The following PCDHGB1 variants were observed in gnomAD, a reference collection of about 807,000 sequenced individuals.
The protein encoded by PCDHGB1 is protocadherin gamma subfamily B, 1.
In PCDHGB1, 34 loss-of-function variants were observed where a neutral mutation model predicts 56.6. The observed-to-expected ratio is 0.60, with a 90% CI of 0.46 to 0.80. PCDHGB1 has a LOEUF of 0.80. PCDHGB1 is among the 30% of genes least tolerant of loss of function. The pLI is 0.00. For synonymous variants in PCDHGB1, 561 were observed against 505.9 expected (o/e 1.11, Z -1.46); for missense variants, 1,278 against 1,204.6 (o/e 1.06, Z -0.90).
chr5:141,441,364 CGT>C (rs1283671958), intron 1 of PCDHGB1: 1 of 152,528 alleles, frequency 6.6e-6, no homozygotes, highest in African/African-American at 2.4e-5. Context: ...CAAATGGGGC[CGT>C]GGACCAGGAA....
intron 1 of PCDHGB1, among the ~76,000 whole-genome samples, chr5:141,483,015 G>A (rs916071219): frequency 2.0e-5 from 3 of 152,044 alleles, no homozygotes; most frequent in African/African-American, 7.2e-5. Context: ...AACCCGGGAG[G>A]CAGAGGTTGC....
chr5:141,403,598 G>A (rs2094431142), intron 1 of PCDHGB1: 1 of 1,613,702 alleles, frequency 6.2e-7, no homozygotes, highest in Non-Finnish European at 8.5e-7. Flanking sequence ...CACGGCCTCG[G>A]ATGGCGGCGA....
intron 2 of PCDHGB1, among the ~76,000 whole-genome samples, chr5:141,504,621 T>A (rs1185981312): frequency 7.9e-6 from 1 of 126,856 alleles, no homozygotes; most frequent in Non-Finnish European, 1.6e-5. Flanking sequence ...GATAGGAAAG[T>A]GCACCTTGGA....
In PCDHGB1 at chr5:141,431,538, A is replaced by G; in HGVS notation, c.2410-63269A>G. ...CCGGAGAATCTGGCCTTGGGCACGC[A>G]GCTGCTTGTAGTCAACGCTACCGAC... is the stretch of plus-strand genomic sequence containing the variant. On this transcript the variant is annotated intron_variant, in intron 1 of 3. Transcript: ENST00000523390. The surrounding 1 kb of genome is among the most constrained non-coding windows in gnomAD (Gnocchi z 4.8). The G allele has an allele frequency of 6.2e-7, 1 of 1,614,114 alleles. No individual in the cohort carries two copies. Among genetic ancestry groups the G allele is most frequent in the Non-Finnish European group, 8.5e-7 (1 of 1,180,024 alleles).
chr5:141,372,258 C>T (rs762173867), intron 1 of PCDHGB1: 1 of 1,613,070 alleles, frequency 6.2e-7, no homozygotes, highest in African/African-American at 1.3e-5. Context: ...CCTGGGCCTG[C>T]GCACGGGTGA....
rs1446853595 is a variant in PCDHGB1, at chr5:141,491,363, C to T, written c.2410-3444C>T. ...ACCGTCAGTCTCTTATCCCTAGTCA[C>T]CTTCACCTTTCTGTCAGCGAAGTGC... On this transcript the variant is annotated intron_variant, in intron 1 of 3. Coordinates refer to ENST00000523390, the MANE Select transcript of PCDHGB1 (RefSeq NM_018922.3). This position sits in a 1 kb window ranked among gnomAD's most constrained non-coding sequence, Gnocchi z 6.9. The T allele has an allele frequency of 6.2e-7, 1 of 1,614,182 alleles. No individual in the cohort carries two copies. Among genetic ancestry groups the T allele is most frequent in the South Asian group, 1.1e-5 (1 of 91,082 alleles).
intron 1 of PCDHGB1, chr5:141,418,551 T>A (rs766987131): frequency 1.2e-6 from 2 of 1,614,026 alleles, no homozygotes; most frequent in South Asian, 2.2e-5. Context: ...ATAAGAATCC[T>A]GGTAATAGAT....
intron 1 of PCDHGB1, among the ~76,000 whole-genome samples, chr5:141,460,682 T>A (rs957470916): frequency 3.3e-5 from 5 of 152,134 alleles, no homozygotes; most frequent in African/African-American, 1.2e-4. Flanking sequence ...TATATCTATA[T>A]ATCCACCAAC....
intron 2 of PCDHGB1, among the ~76,000 whole-genome samples, chr5:141,502,857 ACT>A (rs1332453483): frequency 7.7e-5 from 7 of 91,446 alleles, no homozygotes; most frequent in African/African-American, 4.1e-4. Flanking sequence ...CCTAACCCTG[ACT>A]CTCTGTCTTT....
chr5:141,372,057 C>T (rs1228775419), intron 1 of PCDHGB1: 3 of 1,613,552 alleles, frequency 1.9e-6, no homozygotes, highest in African/African-American at 2.7e-5. Context: ...GGTGGACGAC[C>T]GCAACGACAA....
rs374229757 is a variant in PCDHGB1, at chr5:141,491,437, C to T, written c.2410-3370C>T. 4 of 1,613,978 alleles carry T rather than the reference C, an allele frequency of 2.5e-6. No homozygotes were observed. Among genetic ancestry groups the T allele is most frequent in the Admixed American group, 3.3e-5 (2 of 60,004 alleles). ...CGGGGGTGGAGGGCAGTGCTGCAGG[C>T]GCCAGGACTCACCCTCCCCGGACTT... On this transcript the variant is annotated intron_variant, in intron 1 of 3. Coordinates refer to ENST00000523390, the MANE Select transcript of PCDHGB1 (RefSeq NM_018922.3). This position sits in a 1 kb window ranked among gnomAD's most constrained non-coding sequence, Gnocchi z 6.9.
intron 1 of PCDHGB1, among the ~76,000 whole-genome samples, chr5:141,494,568 C>T (rs2099755322): frequency 6.6e-6 from 1 of 152,138 alleles, no homozygotes; most frequent in African/African-American, 2.4e-5. Context: ...GGAAAGGAGT[C>T]TCAGCTTGCT....
chr5:141,484,591 T>C (rs2099597977), intron 1 of PCDHGB1, among the ~76,000 whole-genome samples: 1 of 152,020 alleles, frequency 6.6e-6, no homozygotes, highest in African/African-American at 2.4e-5. Flanking sequence ...AAGCTACTCA[T>C]TTAGAATACT....
intron 1 of PCDHGB1, chr5:141,394,742 G>T: frequency 1.2e-6 from 2 of 1,613,420 alleles, no homozygotes; most frequent in Non-Finnish European, 1.7e-6. Flanking sequence ...AGAGCCTCGT[G>T]GTGGCCGTCC....
intron 1 of PCDHGB1, chr5:141,400,068 GC>G (rs1160956861): frequency 6.2e-7 from 1 of 1,613,706 alleles, no homozygotes; most frequent in African/African-American, 1.3e-5. Context: ...ATGGTGGACA[GC>G]CGCCACTCTC....
chr5:141,375,184 C>A (rs757225197), intron 1 of PCDHGB1: 23 of 1,613,856 alleles, frequency 1.4e-5, no homozygotes, highest in Middle Eastern at 1.6e-4. Context: ...CAGTAATCGC[C>A]CTTTTTCAAG....
In PCDHGB1 at chr5:141,426,967, T is replaced by C. The variant is rs151241654; in HGVS notation, c.2410-67840T>C. 124 of 456,702 alleles carry C rather than the reference T, an allele frequency of 2.7e-4. 1 individual carries two copies. The highest frequency in any genetic ancestry group is 2.1e-3 in the African/African-American group (103 of 50,178). 28.3% of individuals were successfully genotyped at this position (456,702 alleles called of 1,614,324 possible). A position where few individuals can be genotyped will look rare whatever the true frequency, so the allele number is the denominator to read the frequency against. On this transcript the variant is annotated intron_variant, in intron 1 of 3. Coordinates refer to ENST00000523390, the MANE Select transcript of PCDHGB1 (RefSeq NM_018922.3). ...CCAACTGGCACTGCTGCAATTCAAA[T>C]TGAGGTCACTGATGCCAACGATAAT... is the stretch of plus-strand genomic sequence containing the variant.
rs779349797 is a variant in PCDHGB1, at chr5:141,351,420, C to T, written c.1160C>T (p.Pro387Leu). Residue 387 changes from proline to leucine, a missense_variant, in exon 1 of 4, where the codon CCT becomes CTT. By Grantham distance (98) the Pro-to-Leu change is moderately conservative (BLOSUM62 -3). Transcript: ENST00000523390. ...ACATGCTATACTCAGGAAGAAGTTCCTTTCAAATTAGAATCCACCTCGAAG... is the reference window on the plus strand; with the variant it reads ...ACATGCTATACTCAGGAAGAAGTTCTTTTCAAATTAGAATCCACCTCGAAG... ...MVTCYTQEEV[P>L]FKLESTSKNY... 4 of 1,611,526 alleles carry T rather than the reference C, an allele frequency of 2.5e-6. No individual in the cohort carries two copies. Among genetic ancestry groups the T allele is most frequent in the Non-Finnish European group, 3.4e-6 (4 of 1,178,640 alleles).
chr5:141,415,197 A>G, intron 1 of PCDHGB1: 1 of 1,614,016 alleles, frequency 6.2e-7, no homozygotes, highest in African/African-American at 1.3e-5. Context: ...GCATCCCCCA[A>G]GTCCTGGCGG....
Sources: gnomAD v4.1 joint callset for allele counts (sites outside exome capture counted in the v4.1 genomes callset) on GRCh38, gnomAD v4.1.1 for gene constraint, Gnocchi (gnomAD v3.1) non-coding constraint, MANE v1.5 for transcripts, NCBI Gene and HGNC (gene_info 2026-07-23, HGNC 2026-07-21) for gene names.